The following RADIL variants were observed in gnomAD, a reference collection of about 807,000 sequenced individuals.
RADIL encodes Rap associating with DIL domain, also known as ras-associating and dilute domain-containing protein.
RADIL carries 99 observed loss-of-function variants against 97.6 expected under a neutral mutation model. The observed-to-expected ratio is 1.01, with a 90% CI of 0.86 to 1.20. RADIL has a LOEUF of 1.20. RADIL is among the 50% of genes most tolerant of loss of function. RADIL has a pLI of 0.00. For missense variants in RADIL, 1,765 were observed against 1,498.9 expected, an observed-to-expected ratio of 1.18 and a Z score of -2.93; for synonymous variants, 803 against 691.8, an observed-to-expected ratio of 1.16 and a Z score of -2.52.
chr7:4,852,780 T>C (rs2115022637), intron 2 of RADIL, among the ~76,000 whole-genome samples: 1 of 152,314 alleles, frequency 6.6e-6, no homozygotes, highest in South Asian at 2.1e-4. Context: ...TGACCTCATG[T>C]GATCCACCTG....
chr7:4,817,000 G>A (rs988549121), intron 7 of RADIL, among the ~76,000 whole-genome samples: 2 of 152,170 alleles, frequency 1.3e-5, no homozygotes, highest in African/African-American at 4.8e-5. Flanking sequence ...GTTTCAAGGC[G>A]AGGGAAAGGG....
chr7:4,836,360 G>T lies in RADIL; in HGVS notation c.781C>A (p.His261Asn). ...LLLLQGYSQQ[H>N]DSLVYVLNRD... ...GGGTGTCAGGAGGGGAGGCTCACGT[G>T]CTGCTGGCTGTAGCCCTGCAGAAGG... Residue 261 changes from histidine to asparagine, a missense_variant and splice_region_variant, in exon 3 of 15, where the codon CAC becomes AAC. Transcript: ENST00000399583. 1 of 1,571,264 alleles carries T rather than the reference G, an allele frequency of 6.4e-7. No homozygotes were observed. The highest frequency in any genetic ancestry group is 2.3e-5 in the East Asian group (1 of 42,630).
rs375543559 is a variant in RADIL, at chr7:4,861,285, G to A, written c.535+16320C>T. On this transcript the variant is annotated intron_variant, in intron 2 of 14. Transcript: ENST00000399583. Reference sequence around the variant, plus strand: ...TCCAAATCTTCTGGAATAGTCTGTAGTGCTAATCTTGCAAATAAAATATCA... The same window carrying A: ...TCCAAATCTTCTGGAATAGTCTGTAATGCTAATCTTGCAAATAAAATATCA... The A allele has an allele frequency of 1.9e-6, 3 of 1,613,998 alleles. No homozygotes were observed. The African/African-American group carries it at 4.0e-5, about 22-fold the overall frequency.
At chr7:4,868,175 G>C (rs1205782683) in intron 2 of RADIL, among the ~76,000 whole-genome samples, 1 of 151,994 alleles carries the variant, frequency 6.6e-6, no homozygotes, top group Non-Finnish European at 1.5e-5. Context: ...CCATTCTCCT[G>C]CCTCAGCCTC....
intron 12 of RADIL, among the ~76,000 whole-genome samples, 191 bp downstream of exon 12, chr7:4,801,462 C>G (rs73310599): frequency 0.018 from 2,764 of 152,304 alleles, 90 homozygotes; most frequent in African/African-American, 0.063. Flanking sequence ...ACTGAGCGAC[C>G]GTGTGGCCCA....
intron 2 of RADIL, among the ~76,000 whole-genome samples, chr7:4,856,436 C>A (rs1783832840): frequency 6.6e-6 from 1 of 152,166 alleles, no homozygotes; most frequent in African/African-American, 2.4e-5. Context: ...AGACTTTTTC[C>A]TTTGTCACCC....
At position 4,870,243 on chromosome 7, in the gene RADIL, G is replaced by A. The variant is rs968569581; in HGVS notation, c.535+7362C>T. 2.0e-5 allele frequency among the ~76,000 whole-genome samples: 3 copies of A among 152,290 alleles called. No individual in the cohort carries two copies. In the East Asian group the frequency reaches 5.8e-4, roughly 29 times the overall value. On this transcript the variant is annotated intron_variant, in intron 2 of 14. Coordinates refer to ENST00000399583, the MANE Select transcript of RADIL (RefSeq NM_018059.5). The stretch of plus-strand genomic sequence containing the variant: ...GCAGGGCGAGCTGACCTCTCAGTCT[G>A]TATATATCTGACACCTCTGAAAACA...
chr7:4,845,037 C>T (rs540510437), intron 2 of RADIL, among the ~76,000 whole-genome samples: 9 of 108,874 alleles, frequency 8.3e-5, no homozygotes, highest in South Asian at 3.0e-4. Context: ...ATTTGACCTA[C>T]GTAGGAAAAA....
intron 2 of RADIL, 35 bp from the exon 3 acceptor site, chr7:4,836,640 A>AC: frequency 6.2e-7 from 1 of 1,602,342 alleles, no homozygotes; most frequent in Non-Finnish European, 8.5e-7. Flanking sequence ...AACAGTTAGA[A>AC]GTCTCATAGC....
At chr7:4,827,852 A>G (rs1409210791) in intron 5 of RADIL, among the ~76,000 whole-genome samples, 1 of 152,100 alleles carries the variant, frequency 6.6e-6, no homozygotes, top group African/African-American at 2.4e-5. Flanking sequence ...TCCCCAATTC[A>G]TGTTCTGTGA....
rs1211327345 is a variant in RADIL, at chr7:4,840,590, C to A, written c.536-3985G>T. ...ATATAGGTGTGCTCTTTGCCAAGAA[C>A]AGGGTCACCCCAGGGGCCCTTATGC... On this transcript the variant is annotated intron_variant, in intron 2 of 14. Coordinates refer to ENST00000399583, the MANE Select transcript of RADIL (RefSeq NM_018059.5). This position sits in a 1 kb window ranked among gnomAD's most constrained non-coding sequence, Gnocchi z 5.6. 2.6e-5 allele frequency among the ~76,000 whole-genome samples: 4 copies of A among 152,222 alleles called. No homozygotes were observed.
chr7:4,877,838 G>A lies in RADIL; in HGVS notation c.302C>T (p.Ala101Val). 1.9e-6 allele frequency: 3 copies of A among 1,607,262 alleles called. No individual in the cohort carries two copies. The highest frequency in any genetic ancestry group is 2.5e-6 in the Non-Finnish European group (3 of 1,179,920). ...CTGGCCGGCCTGCCTGGGGTCCAGG[G>A]CGTACCGCTCCAGCGCCTCCTTCAC... The part of the protein sequence containing the change: ...ELVKEALERY[A>V]LDPRQAGQYV... Residue 101 changes from alanine (A) to valine (V), a missense_variant, in exon 2 of 15, where the codon GCC becomes GTC. By Grantham distance (64) the Ala-to-Val change is moderately conservative (BLOSUM62 0). Transcript: ENST00000399583.
At chr7:4,808,675 G>T in intron 9 of RADIL, 1 of 840,168 alleles carries the variant, frequency 1.2e-6, no homozygotes, top group African/African-American at 1.9e-5. Flanking sequence ...CCCTTCCGAC[G>T]CCACTGCCCC....
intron 6 of RADIL, among the ~76,000 whole-genome samples, chr7:4,820,746 C>T (rs1329555383): frequency 6.6e-6 from 1 of 152,198 alleles, no homozygotes; most frequent in Non-Finnish European, 1.5e-5. Context: ...CCAGCCCGGC[C>T]TGTTCCACGC....
intron 12 of RADIL, among the ~76,000 whole-genome samples, chr7:4,800,518 G>A (rs1018530327): frequency 1.6e-4 from 25 of 152,126 alleles, no homozygotes; most frequent in Admixed American, 7.9e-4. Context: ...CATGTTCCCT[G>A]AGGGAGCACC....
At chr7:4,823,111 C>T (rs558383003) in intron 5 of RADIL, among the ~76,000 whole-genome samples, 7 of 152,110 alleles carry the variant, frequency 4.6e-5, no homozygotes, top group South Asian at 2.1e-4. Context: ...CCATGAATCG[C>T]GGGGTAGCAG....
At position 4,836,392 on chromosome 7, in the gene RADIL, T is replaced by C. The variant is rs1399452976; in HGVS notation, c.749A>G (p.His250Arg). Residue 250 changes from histidine to arginine, a missense_variant, in exon 3 of 15, where the codon CAT (histidine) becomes CGT (arginine). Transcript: ENST00000399583. ...AMRYSLYQSP[H>R]LLLLQGYSQQ... is the part of the protein sequence containing the mutation. Reference sequence around the variant, plus strand: ...GCTGTAGCCCTGCAGAAGGAGCAGATGCGGGGACTGGTACAGCGAGTACCG... The same window carrying C: ...GCTGTAGCCCTGCAGAAGGAGCAGACGCGGGGACTGGTACAGCGAGTACCG... 6.3e-7 allele frequency: 1 copy of C among 1,576,204 alleles called. No individual in the cohort carries two copies. The highest frequency in any genetic ancestry group is 8.6e-7 in the Non-Finnish European group (1 of 1,160,954).
chr7:4,804,915 T>C (rs1782244106), intron 10 of RADIL, among the ~76,000 whole-genome samples: 2 of 151,430 alleles, frequency 1.3e-5, no homozygotes, highest in African/African-American at 4.9e-5. Flanking sequence ...GCTAAGATGG[T>C]GAAACCCGTC....
chr7:4,848,336 AC>A (rs1783626701), intron 2 of RADIL, among the ~76,000 whole-genome samples: 1 of 151,992 alleles, frequency 6.6e-6, no homozygotes, highest in African/African-American at 2.4e-5. Context: ...GTATAAAAAT[AC>A]CTCTTATAAT....
Sources: allele counts gnomAD v4.1 joint callset (sites outside exome capture counted in the v4.1 genomes callset), GRCh38; gene constraint gnomAD v4.1.1; non-coding constraint Gnocchi (gnomAD v3.1); transcripts MANE v1.5; gene names NCBI Gene and HGNC (gene_info 2026-07-23, HGNC 2026-07-21).